Variants in ALOX5AP observed in about 807,000 individuals in gnomAD.
ALOX5AP encodes the protein arachidonate 5-lipoxygenase activating protein.
ALOX5AP carries 9 observed loss-of-function variants against 18.5 expected under a neutral mutation model. That is an observed-to-expected ratio of 0.49 (90% confidence interval 0.29 to 0.85). The LOEUF (loss-of-function observed/expected upper bound fraction) is 0.85, where lower values mean the gene tolerates loss of function less well. Among genes scored for constraint, ALOX5AP ranks in the 40% least tolerant of loss-of-function variants. The pLI, the probability that ALOX5AP is intolerant of heterozygous loss-of-function variation, is 0.08. For synonymous variants in ALOX5AP, 81 were observed against 78.6 expected (o/e 1.03, Z -0.16); for missense variants, 172 against 202.5 (o/e 0.85, Z 0.91).
At chr13:30,736,596 A>G (rs1248786945) in intron 1 of ALOX5AP, among the ~76,000 whole-genome samples, 9 of 152,204 alleles carry the variant, frequency 5.9e-5, no homozygotes, top group Admixed American at 5.9e-4. Context: ...AACTTTGAGT[A>G]TTTAATCACT....
At chr13:30,730,766 G>A (rs1049477770), upstream of ALOX5AP, among the ~76,000 whole-genome samples, 47 of 152,360 alleles carry the variant, frequency 3.1e-4, 1 homozygote, top group Middle Eastern at 3.4e-3. Context: ...TGTCTGCACA[G>A]CTCCTAGGAT....
chr13:30,749,049 G>C (rs1285936953), intron 2 of ALOX5AP, among the ~76,000 whole-genome samples: 2 of 152,244 alleles, frequency 1.3e-5, no homozygotes, highest in East Asian at 1.9e-4. Flanking sequence ...GCTTGAGCCA[G>C]AGCCAGGAAC....
At chr13:30,738,730 C>T (rs184282813) in intron 1 of ALOX5AP, among the ~76,000 whole-genome samples, 91 of 152,288 alleles carry the variant, frequency 6.0e-4, no homozygotes, top group Non-Finnish European at 1.0e-4. Flanking sequence ...TTAGTGATGG[C>T]AGAGGAAGGA....
At chr13:30,746,245 A>G (rs1261641857) in intron 2 of ALOX5AP, among the ~76,000 whole-genome samples, 1 of 152,226 alleles carries the variant, frequency 6.6e-6, no homozygotes, top group Admixed American at 6.5e-5. Flanking sequence ...AGGAGAGTGG[A>G]AAGTGATTGT....
intron 1 of ALOX5AP, among the ~76,000 whole-genome samples, chr13:30,729,814 G>A (rs1156507694): frequency 6.6e-6 from 1 of 152,220 alleles, no homozygotes; most frequent in African/African-American, 2.4e-5. Context: ...GACCTCAGGT[G>A]ATCTGCCTGC....
intron 1 of ALOX5AP, among the ~76,000 whole-genome samples, chr13:30,723,859 C>T (rs542056397): frequency 2.1e-4 from 32 of 152,264 alleles, no homozygotes; most frequent in South Asian, 4.2e-4. Context: ...CTCAGCCTCC[C>T]GAGTAGCTGG....
intron 1 of ALOX5AP, among the ~76,000 whole-genome samples, chr13:30,729,987 T>A (rs910723766): frequency 1.3e-5 from 2 of 152,242 alleles, no homozygotes; most frequent in Non-Finnish European, 1.5e-5. Flanking sequence ...TGTGAGTTTG[T>A]GATGGGAAAA....
In ALOX5AP at chr13:30,744,052, C is replaced by T. The variant is rs1951788479; in HGVS notation, c.71-8C>T. On this transcript the variant is annotated splice_region_variant and splice_polypyrimidine_tract_variant and intron_variant, in intron 1 of 4. Transcript: ENST00000380490. ...AATGAACCAGATGCAAACCTTTTCC[C>T]TTGGCAGGATTCTTTGCCCATAAAG... is the stretch of plus-strand genomic sequence containing the variant. 4 of 1,612,986 alleles carry T rather than the reference C, an allele frequency of 2.5e-6. No individual in the cohort carries two copies. Among genetic ancestry groups the T allele is most frequent in the African/African-American group, 2.7e-5 (2 of 74,914 alleles).
chr13:30,744,551 C>T (rs17245106), intron 2 of ALOX5AP, among the ~76,000 whole-genome samples: 9,920 of 152,216 alleles, frequency 0.065, 455 homozygotes, highest in Non-Finnish European at 0.1. Context: ...CTGACGACAG[C>T]CTTCAACTCA....
chr13:30,732,413 ACTT>A (rs937159166), upstream of ALOX5AP, among the ~76,000 whole-genome samples: 1 of 152,152 alleles, frequency 6.6e-6, no homozygotes, highest in Non-Finnish European at 1.5e-5. Context: ...GGATAGAGAA[ACTT>A]CTTTAAAAAC....
At chr13:30,735,406 C>CCA, upstream of ALOX5AP, 2 of 1,205,192 alleles carry the variant, frequency 1.7e-6, no homozygotes, top group African/African-American at 3.3e-5. Context: ...ACACACTGAA[C>CCA]CACAGCCAGG....
upstream of ALOX5AP, among the ~76,000 whole-genome samples, chr13:30,731,148 CT>C (rs1399100221): frequency 6.6e-6 from 1 of 152,138 alleles, no homozygotes; most frequent in African/African-American, 2.4e-5. Context: ...GTCTTCCTTT[CT>C]TTCCTTTCTA....
At chr13:30,761,553 C>T (rs937279525) in intron 4 of ALOX5AP, among the ~76,000 whole-genome samples, 53 of 152,232 alleles carry the variant, frequency 3.5e-4, no homozygotes, top group African/African-American at 1.3e-3. Flanking sequence ...ATTCCCTTAC[C>T]AGCACTAGCA....
chr13:30,761,069 A>G (rs1436536333), intron 4 of ALOX5AP, among the ~76,000 whole-genome samples: 5 of 152,110 alleles, frequency 3.3e-5, no homozygotes, highest in Non-Finnish European at 7.4e-5. Flanking sequence ...TCTGCCCACC[A>G]TGCTCACTTG....
intron 1 of ALOX5AP, among the ~76,000 whole-genome samples, chr13:30,741,361 T>G (rs1951762746): frequency 6.6e-6 from 1 of 150,538 alleles, no homozygotes; most frequent in Admixed American, 6.6e-5. Context: ...TTAAGTAACC[T>G]CTAGATAATC....
intron 3 of ALOX5AP, 38 bp downstream of exon 3, chr13:30,752,160 A>G: frequency 6.3e-7 from 1 of 1,597,534 alleles, no homozygotes; most frequent in Non-Finnish European, 8.6e-7. Flanking sequence ...TCCTTCTATA[A>G]AGTGCATCTC....
At chr13:30,729,154 A>AT (rs371655461) in intron 1 of ALOX5AP, among the ~76,000 whole-genome samples, 358 of 150,136 alleles carry the variant, frequency 2.4e-3, no homozygotes, top group Admixed American at 5.3e-3. Context: ...TAATTTATTG[A>AT]TTTTTTTTTT....
intron 1 of ALOX5AP, among the ~76,000 whole-genome samples, chr13:30,723,982 A>G (rs1222360458): frequency 2.6e-5 from 4 of 152,218 alleles, no homozygotes; most frequent in South Asian, 4.1e-4. Flanking sequence ...TTTTGAGTGT[A>G]CAGATTGACA....
intron 2 of ALOX5AP, among the ~76,000 whole-genome samples, chr13:30,749,210 C>A (rs1029605805): frequency 6.6e-6 from 1 of 152,168 alleles, no homozygotes; most frequent in Non-Finnish European, 1.5e-5. Context: ...GACCCAATGT[C>A]AAATCACTAG....
Sources: allele counts gnomAD v4.1 joint callset (sites outside exome capture counted in the v4.1 genomes callset), GRCh38; gene constraint gnomAD v4.1.1; transcripts MANE v1.5; gene names NCBI Gene and HGNC (gene_info 2026-07-23, HGNC 2026-07-21).